Variants in KLHDC1 observed in about 807,000 individuals in gnomAD.
KLHDC1 encodes kelch domain containing 1.
KLHDC1 carries 53 observed loss-of-function variants against 68.3 expected under a neutral mutation model. The observed-to-expected ratio is 0.78, with a 90% CI of 0.62 to 0.98. The LOEUF is 0.98. Among genes scored for constraint, KLHDC1 ranks in the 50% least tolerant of loss-of-function variants. KLHDC1 has a pLI of 0.00. For missense variants in KLHDC1, 470 were observed against 492.3 expected (o/e 0.95, Z 0.43); for synonymous variants, 148 against 159.0 (o/e 0.93, Z 0.52).
intron 4 of KLHDC1, among the ~76,000 whole-genome samples, chr14:49,723,062 G>A (rs1303598564): frequency 2.4e-5 from 3 of 124,936 alleles, no homozygotes; most frequent in Admixed American, 9.8e-5. Context: ...ACTCCAGCCT[G>A]GGCAACAAGA....
intron 10 of KLHDC1, among the ~76,000 whole-genome samples, chr14:49,736,111 G>A (rs764685823): frequency 9.9e-5 from 15 of 152,180 alleles, no homozygotes; most frequent in Non-Finnish European, 1.9e-4. Context: ...TTGTTTGATT[G>A]TATGAATGCA....
At chr14:49,698,393 G>A (rs754882504) in intron 1 of KLHDC1, among the ~76,000 whole-genome samples, 20 of 151,890 alleles carry the variant, frequency 1.3e-4, no homozygotes, top group Non-Finnish European at 2.2e-4. Context: ...TAGTACAGGC[G>A]GGGTTTCACC....
Position 49,734,587 on chromosome 14 carries a change from A to C in KLHDC1, c.824-2A>C. 1 of 1,568,950 alleles carries C rather than the reference A, an allele frequency of 6.4e-7. No individual in the cohort carries two copies. Among genetic ancestry groups the C allele is most frequent in the East Asian group, 2.3e-5 (1 of 43,524 alleles). ...AATTTCTGAACTGTCATGATATTGCAGGTGATGGTTGGATTCATAATGTCA... is the reference window on the plus strand; with the variant it reads ...AATTTCTGAACTGTCATGATATTGCCGGTGATGGTTGGATTCATAATGTCA... On this transcript the variant is annotated splice_acceptor_variant, in intron 9 of 12. Transcript: ENST00000359332. LOFTEE classifies it high-confidence loss of function.
At chr14:49,738,137 C>G (rs1888975479) in intron 10 of KLHDC1, among the ~76,000 whole-genome samples, 1 of 151,768 alleles carries the variant, frequency 6.6e-6, no homozygotes, top group Admixed American at 6.6e-5. Context: ...AAGCGATCCT[C>G]CTGCCTCAGC....
rs1889349872 is a variant in KLHDC1 at position 49,753,000 on chromosome 14, T to G, written c.*1228T>G. 1.3e-5 allele frequency: 2 copies of G among 152,206 alleles called. No homozygotes were observed. Among genetic ancestry groups the G allele is most frequent in the Middle Eastern group, 3.4e-3 (1 of 294 alleles). The allele number at this position is 152,206 out of a possible 1,614,324, so 9.4% of individuals were successfully genotyped here. On this transcript the variant is annotated 3_prime_UTR_variant, in exon 13 of 13. Transcript: ENST00000359332. ...AGTATTTCATTGAATTTTAGAGAGATATTTCATATATATGTACTGTATTTT... is the reference window on the plus strand; with the variant it reads ...AGTATTTCATTGAATTTTAGAGAGAGATTTCATATATATGTACTGTATTTT...
chr14:49,725,500 GCTGCTA>G, intron 5 of KLHDC1, 180 bp from the exon 6 acceptor site: 1 of 448,308 alleles, frequency 2.2e-6, no homozygotes, highest in Non-Finnish European at 4.0e-6. Context: ...GCCAGGTGGT[GCTGCTA>G]CTGGTCTGGG....
chr14:49,703,975 A>G (rs943936599), intron 1 of KLHDC1, among the ~76,000 whole-genome samples: 1 of 152,248 alleles, frequency 6.6e-6, no homozygotes, highest in African/African-American at 2.4e-5. Context: ...TCTACCAATG[A>G]ATGAAATGTT....
At chr14:49,694,475 A>AT (rs959750633) in intron 1 of KLHDC1, among the ~76,000 whole-genome samples, 1 of 152,052 alleles carries the variant, frequency 6.6e-6, no homozygotes, top group Non-Finnish European at 1.5e-5. Flanking sequence ...GGTCATACGA[A>AT]TTTTTTTGGT....
rs1889336743 is a variant in KLHDC1 at position 49,752,351 on chromosome 14, C to A, written c.*579C>A. ...CTTAGGCATCATCATAACTTTTCCT[C>A]ACCTTTATTCGAATAGAGGAATAAA... On this transcript the variant is annotated 3_prime_UTR_variant, in exon 13 of 13. Transcript: ENST00000359332. 1 of 152,478 alleles carries A rather than the reference C, an allele frequency of 6.6e-6. No homozygotes were observed. The highest frequency in any genetic ancestry group is 2.1e-4 in the South Asian group (1 of 4,832). The allele number at this position is 152,478 out of a possible 1,614,324, so 9.4% of individuals were successfully genotyped here.
intron 4 of KLHDC1, among the ~76,000 whole-genome samples, chr14:49,717,027 A>T (rs1487931707): frequency 2.0e-5 from 3 of 152,194 alleles, no homozygotes; most frequent in Admixed American, 2.0e-4. Flanking sequence ...TTCAAGGTGC[A>T]TTATGTTGTA....
rs1377535633 is a variant in KLHDC1 at position 49,718,777 on chromosome 14, T to C, written c.405-5097T>C. On this transcript the variant is annotated intron_variant, in intron 4 of 12. Coordinates refer to ENST00000359332, the MANE Select transcript of KLHDC1 (RefSeq NM_172193.3). ...TTTTCTTTTCTTTCTTTCTTTTTTTTTTTTTTTTTTTTTTTTTGAGTCGTA... is the reference window on the plus strand; with the variant it reads ...TTTTCTTTTCTTTCTTTCTTTTTTTCTTTTTTTTTTTTTTTTTGAGTCGTA... 7.6e-5 allele frequency among the ~76,000 whole-genome samples: 10 copies of C among 131,574 alleles called. No individual in the cohort carries two copies. The East Asian group carries it at 1.7e-3, about 22-fold the overall frequency. The allele number at this position is 131,574 out of a possible 152,430, so 86.3% of individuals were successfully genotyped here.
At chr14:49,747,463 C>T (rs1045021290) in intron 12 of KLHDC1, among the ~76,000 whole-genome samples, 5 of 152,076 alleles carry the variant, frequency 3.3e-5, no homozygotes, top group African/African-American at 7.2e-5. Context: ...GCAGGAAAAG[C>T]GGGTAGAGCA....
intron 1 of KLHDC1, among the ~76,000 whole-genome samples, chr14:49,697,183 C>T (rs893666808): frequency 6.6e-6 from 1 of 152,224 alleles, no homozygotes; most frequent in Admixed American, 6.5e-5. Flanking sequence ...GATCCGCCCG[C>T]CTCGGCCTCC....
intron 4 of KLHDC1, among the ~76,000 whole-genome samples, chr14:49,717,610 C>A (rs919573198): frequency 2.0e-5 from 3 of 152,002 alleles, no homozygotes; most frequent in African/African-American, 4.8e-5. Flanking sequence ...GGGTGTTGAT[C>A]CCTTATCAGA....
intron 5 of KLHDC1, among the ~76,000 whole-genome samples, chr14:49,724,503 T>C (rs1297716445): frequency 6.6e-6 from 1 of 152,070 alleles, no homozygotes; most frequent in Admixed American, 6.6e-5. Flanking sequence ...TAGTTTTACC[T>C]TCTACTAGCG....
At chr14:49,694,831 G>C (rs1456618740) in intron 1 of KLHDC1, among the ~76,000 whole-genome samples, 2 of 152,198 alleles carry the variant, frequency 1.3e-5, no homozygotes. Context: ...TCCAGCCTGG[G>C]CGACAGAGCG....
At chr14:49,697,645 A>G (rs1420575378) in intron 1 of KLHDC1, among the ~76,000 whole-genome samples, 1 of 152,196 alleles carries the variant, frequency 6.6e-6, no homozygotes, top group Non-Finnish European at 1.5e-5. Context: ...AGGTATGCCT[A>G]TACTGTGTGT....
chr14:49,721,422 A>G (rs1379682868), intron 4 of KLHDC1, among the ~76,000 whole-genome samples: 5 of 152,174 alleles, frequency 3.3e-5, no homozygotes, highest in South Asian at 2.1e-4. Context: ...CCCTCAAGCA[A>G]TCCGCCTGCC....
chr14:49,730,996 C>G (rs941649396), intron 8 of KLHDC1, among the ~76,000 whole-genome samples: 2 of 148,978 alleles, frequency 1.3e-5, no homozygotes, highest in Admixed American at 1.4e-4. Context: ...AAAAATAAAA[C>G]CAGGCAGGTG....
Sources: allele counts gnomAD v4.1 joint callset (sites outside exome capture counted in the v4.1 genomes callset), GRCh38; gene constraint gnomAD v4.1.1; transcripts MANE v1.5; gene names NCBI Gene and HGNC (gene_info 2026-07-23, HGNC 2026-07-21).